The following FLYWCH2 variants were observed in gnomAD, a reference collection of about 807,000 sequenced individuals.
FLYWCH2 encodes the protein FLYWCH family member 2.
FLYWCH2 carries 2 observed loss-of-function variants against 6.0 expected under a neutral mutation model. That is an observed-to-expected ratio of 0.33 (90% CI 0.14 to 1.04). The LOEUF is 1.04. FLYWCH2 is among the 50% of genes least tolerant of loss of function. The pLI, the probability that FLYWCH2 is intolerant of heterozygous loss-of-function variation, is 0.45. For synonymous variants in FLYWCH2, 87 were observed against 79.3 expected, an observed-to-expected ratio of 1.10 and a Z score of -0.52; for missense variants, 192 against 183.4, an observed-to-expected ratio of 1.05 and a Z score of -0.27.
chr16:2,883,872 G>A (rs1319180563), intron 1 of FLYWCH2, among the ~76,000 whole-genome samples: 1 of 152,238 alleles, frequency 6.6e-6, no homozygotes, highest in Non-Finnish European at 1.5e-5. Flanking sequence ...GTAAAGGAGT[G>A]AAATAAAGAT....
chr16:2,893,407 T>G (rs766161398), intron 1 of FLYWCH2, among the ~76,000 whole-genome samples: 8 of 152,162 alleles, frequency 5.3e-5, no homozygotes, highest in Non-Finnish European at 8.8e-5. Flanking sequence ...TTAGGAATTA[T>G]GTACTGGGAG....
Position 2,896,720 on chromosome 16 carries a change from A to C in FLYWCH2, c.271A>C (p.Ile91Leu). 3 of 1,612,310 alleles carry C rather than the reference A, an allele frequency of 1.9e-6. No homozygotes were observed. The highest frequency in any genetic ancestry group is 2.5e-6 in the Non-Finnish European group (3 of 1,179,882). Residue 91 changes from isoleucine (I) to leucine (L), a missense_variant, in exon 3 of 4, where the codon ATT (isoleucine) becomes CTT (leucine). By Grantham distance (5) the Ile-to-Leu change is conservative. Transcript: ENST00000396958. ...LQTHPEAQRA[I>L]EAAPQEPEQK... is the part of the protein sequence containing the mutation. ...GACCCACCCCGAGGCCCAGCGGGCC[A>C]TTGAGGCAGCCCCTCAGGAGCCTGA...
chr16:2,887,595 G>C (rs954335484), intron 1 of FLYWCH2, among the ~76,000 whole-genome samples: 30 of 151,300 alleles, frequency 2.0e-4, no homozygotes, highest in African/African-American at 6.8e-4. Context: ...TTTTGAGACA[G>C]AGTCTTGCTC....
chr16:2,884,661 G>A lies in FLYWCH2; in HGVS notation c.-200+1295G>A, dbSNP rs1238832353. 3.3e-5 allele frequency among the ~76,000 whole-genome samples: 5 copies of A among 151,134 alleles called. No individual in the cohort carries two copies. In the East Asian group the frequency reaches 9.8e-4, roughly 30 times the overall value. ...AGGCCAAGGAGGGTGGATCACCTGA[G>A]GTCGGGAGTTCGAGACCAGCCTGAC... On this transcript the variant is annotated intron_variant, in intron 1 of 3. Coordinates refer to ENST00000396958, the MANE Select transcript of FLYWCH2 (RefSeq NM_138439.3).
chr16:2,897,254 G>A (rs116408940), intron 3 of FLYWCH2, among the ~76,000 whole-genome samples: 271 of 152,248 alleles, frequency 1.8e-3, no homozygotes, highest in African/African-American at 6.2e-3. Flanking sequence ...AGTCACGCAG[G>A]ATGAGACTCC....
chr16:2,892,996 T>TA (rs1288985259), intron 1 of FLYWCH2, among the ~76,000 whole-genome samples: 1 of 114,886 alleles, frequency 8.7e-6, no homozygotes, highest in Non-Finnish European at 1.9e-5. Context: ...GTCACATATA[T>TA]ACATATATTT....
chr16:2,894,125 G>C (rs943328375), intron 1 of FLYWCH2, among the ~76,000 whole-genome samples: 1 of 152,148 alleles, frequency 6.6e-6, no homozygotes, highest in Non-Finnish European at 1.5e-5. Context: ...GTGCAGTCTG[G>C]GGGTCAGAGT....
chr16:2,884,784 G>T (rs1034859368), intron 1 of FLYWCH2, among the ~76,000 whole-genome samples: 4 of 151,658 alleles, frequency 2.6e-5, no homozygotes, highest in Non-Finnish European at 5.9e-5. Flanking sequence ...TGAGACAGGA[G>T]AAAGGCTTGA....
chr16:2,897,460 C>A (rs1485943365), intron 3 of FLYWCH2, among the ~76,000 whole-genome samples: 1 of 152,134 alleles, frequency 6.6e-6, no homozygotes, highest in Non-Finnish European at 1.5e-5. Flanking sequence ...AGGTTCATTC[C>A]CTGTGCTTTG....
In FLYWCH2 at chr16:2,892,915, T is replaced by TGTATATATTATATGTCATATAA. The variant is rs1316522809; in HGVS notation, c.-199-2305_-199-2304insGTATATATTATATGTCATATAA. Reference sequence around the variant, plus strand: ...ATGTATATATGTCATATAATATATATTATATATGTCATATATATACCATAT... The same window carrying TGTATATATTATATGTCATATAA: ...ATGTATATATGTCATATAATATATATGTATATATTATATGTCATATAATATATATGTCATATATATACCATAT... On this transcript the variant is annotated intron_variant, in intron 1 of 3. Transcript: ENST00000396958. Among the ~76,000 whole-genome samples the TGTATATATTATATGTCATATAA allele has an allele frequency of 1.4e-3, 184 of 134,134 alleles. 1 individual carries two copies. Among genetic ancestry groups the TGTATATATTATATGTCATATAA allele is most frequent in the African/African-American group, 5.1e-3 (178 of 34,850 alleles). 88.0% of individuals were successfully genotyped at this position (134,134 alleles called of 152,430 possible). A position where few individuals can be genotyped will look rare whatever the true frequency, so the allele number is the denominator to read the frequency against.
At chr16:2,888,700 C>G (rs1316399656) in intron 1 of FLYWCH2, among the ~76,000 whole-genome samples, 1 of 152,074 alleles carries the variant, frequency 6.6e-6, no homozygotes, top group African/African-American at 2.4e-5. Context: ...ACCAGCTTGA[C>G]CAGCTAAGCC....
intron 1 of FLYWCH2, among the ~76,000 whole-genome samples, chr16:2,884,942 A>G (rs2069681872): frequency 6.6e-6 from 1 of 152,066 alleles, no homozygotes; most frequent in African/African-American, 2.4e-5. Context: ...ACTGCTGTTC[A>G]TATGTTCATA....
chr16:2,892,401 C>G (rs2069767960), intron 1 of FLYWCH2, among the ~76,000 whole-genome samples: 1 of 151,574 alleles, frequency 6.6e-6, no homozygotes, highest in African/African-American at 2.4e-5. Context: ...GAGTCTGAGA[C>G]AGGAGAATAT....
intron 3 of FLYWCH2, among the ~76,000 whole-genome samples, chr16:2,898,373 G>A (rs1393853436): frequency 1.3e-5 from 2 of 152,184 alleles, no homozygotes; most frequent in African/African-American, 4.8e-5. Flanking sequence ...GAGAGCCTCT[G>A]CCTGTCCCCC....
intron 3 of FLYWCH2, among the ~76,000 whole-genome samples, chr16:2,897,261 C>A (rs1208766046): frequency 2.0e-5 from 3 of 152,166 alleles, no homozygotes; most frequent in African/African-American, 7.2e-5. Flanking sequence ...CAGGATGAGA[C>A]TCCCAGCAGA....
At chr16:2,894,771 A>G (rs1473537485) in intron 1 of FLYWCH2, among the ~76,000 whole-genome samples, 1 of 152,154 alleles carries the variant, frequency 6.6e-6, no homozygotes, top group Non-Finnish European at 1.5e-5. Context: ...TACAGAGGGA[A>G]GCTCTCAGGA....
At chr16:2,887,127 T>C (rs896630743) in intron 1 of FLYWCH2, among the ~76,000 whole-genome samples, 1 of 151,992 alleles carries the variant, frequency 6.6e-6, no homozygotes, top group African/African-American at 2.4e-5. Context: ...CTGTAGCTCT[T>C]GTAATAAACT....
intron 1 of FLYWCH2, among the ~76,000 whole-genome samples, chr16:2,890,483 T>C (rs2069744571): frequency 6.6e-6 from 1 of 151,904 alleles, no homozygotes. Context: ...GGCGCGATCT[T>C]GGCTCACCGC....
In FLYWCH2 at chr16:2,896,835, G is replaced by A. The variant is rs548299957; in HGVS notation, c.322+64G>A. 6.7e-4 allele frequency: 968 copies of A among 1,451,952 alleles called. 1 individual carries two copies. The highest frequency in any genetic ancestry group is 8.4e-4 in the Non-Finnish European group (902 of 1,073,496). The allele number at this position is 1,451,952 out of a possible 1,614,324, so 89.9% of individuals were successfully genotyped here. ...CTCCCAGGGTGGCCCCCACAGCCGC[G>A]CTGGCTCCATCAGGCGCTTCTCCCT... On this transcript the variant is annotated intron_variant, in intron 3 of 3. Transcript: ENST00000396958.
Sources: allele counts gnomAD v4.1 joint callset (sites outside exome capture counted in the v4.1 genomes callset), GRCh38; gene constraint gnomAD v4.1.1; transcripts MANE v1.5; gene names NCBI Gene and HGNC (gene_info 2026-07-23, HGNC 2026-07-21).